The following EYS variants were observed in gnomAD, a reference collection of about 807,000 sequenced individuals.
The protein encoded by EYS is EGF-like photoreceptor maintenance factor.
EYS carries 250 observed loss-of-function variants against 282.1 expected under a neutral mutation model. The observed-to-expected ratio is 0.89, with a 90% CI of 0.80 to 0.98. The LOEUF is 0.98. EYS is among the 50% of genes least tolerant of loss of function. EYS has a pLI of 0.00. For synonymous variants in EYS, 1,355 were observed against 1,282.9 expected (o/e 1.06, Z -1.20); for missense variants, 4,016 against 3,709.0 (o/e 1.08, Z -2.15).
intron 12 of EYS, among the ~76,000 whole-genome samples, chr6:65,230,660 G>A (rs1040439402): frequency 1.3e-5 from 2 of 151,610 alleles, no homozygotes; most frequent in Non-Finnish European, 3.0e-5. Flanking sequence ...CATGTGGAGG[G>A]CCTCCCCTCA....
intron 35 of EYS, among the ~76,000 whole-genome samples, chr6:63,938,281 C>T (rs181419509): frequency 6.6e-6 from 1 of 152,208 alleles, no homozygotes; most frequent in East Asian, 1.9e-4. Context: ...GGCTTGGAGT[C>T]GAGTCTGCTG....
intron 22 of EYS, among the ~76,000 whole-genome samples, chr6:64,801,476 T>C: frequency 6.6e-6 from 1 of 152,244 alleles, no homozygotes; most frequent in East Asian, 1.9e-4. Context: ...TTACATATAA[T>C]TTAACATTTT....
chr6:64,249,750 G>T (rs1760431589), intron 30 of EYS, among the ~76,000 whole-genome samples: 1 of 152,214 alleles, frequency 6.6e-6, no homozygotes, highest in Non-Finnish European at 1.5e-5. Context: ...GTCCTGGAGA[G>T]AGGAATGCAT....
At chr6:64,943,862 C>T (rs531030403) in intron 15 of EYS, among the ~76,000 whole-genome samples, 88 of 151,880 alleles carry the variant, frequency 5.8e-4, no homozygotes, top group Middle Eastern at 6.8e-3. Context: ...CTAAAATGTA[C>T]GTAGAGTGAA....
chr6:64,695,927 TGTC>T, intron 22 of EYS, among the ~76,000 whole-genome samples: 1 of 152,218 alleles, frequency 6.6e-6, no homozygotes, highest in South Asian at 2.1e-4. Flanking sequence ...AATAAATCAA[TGTC>T]ATAATACTGG....
At chr6:64,196,645 CA>C (rs999225884) in intron 31 of EYS, among the ~76,000 whole-genome samples, 1 of 150,242 alleles carries the variant, frequency 6.7e-6, no homozygotes, top group Non-Finnish European at 1.5e-5. Context: ...ATCACAAGAA[CA>C]AAAAACCAAA....
chr6:63,880,487 G>GTATCTATCTATCTATC (rs56891791), intron 35 of EYS, among the ~76,000 whole-genome samples: 7,902 of 142,762 alleles, frequency 0.055, 263 homozygotes, highest in Non-Finnish European at 0.071. Flanking sequence ...CTGTCTGTCT[G>GTATCTATCTATCTATC]TATCTATCTA....
At chr6:64,017,126 A>G (rs969045681) in intron 33 of EYS, among the ~76,000 whole-genome samples, 8 of 151,996 alleles carry the variant, frequency 5.3e-5, no homozygotes, top group Non-Finnish European at 8.8e-5. Flanking sequence ...AAGGAGGGAA[A>G]GCTGAAAGCA....
At chr6:65,380,977 C>A (rs925515080) in intron 8 of EYS, among the ~76,000 whole-genome samples, 16 of 151,862 alleles carry the variant, frequency 1.1e-4, no homozygotes, top group African/African-American at 3.9e-4. Flanking sequence ...TAGATGCTGG[C>A]GAGGATGCGG....
chr6:64,567,662 T>A (rs947918958), intron 26 of EYS, among the ~76,000 whole-genome samples: 1 of 152,172 alleles, frequency 6.6e-6, no homozygotes, highest in Non-Finnish European at 1.5e-5. Flanking sequence ...TCTCAAGTGA[T>A]TTATTTGGAA....
chr6:63,781,611 C>G (rs1562023321), intron 39 of EYS, among the ~76,000 whole-genome samples: 1 of 152,174 alleles, frequency 6.6e-6, no homozygotes, highest in Admixed American at 6.5e-5. Context: ...TATCCTGAGA[C>G]TTTGCTGAAG....
intron 19 of EYS, among the ~76,000 whole-genome samples, chr6:64,882,255 C>T (rs557854138): frequency 2.0e-5 from 3 of 151,870 alleles, no homozygotes; most frequent in African/African-American, 7.2e-5. Context: ...AACTCCAAAA[C>T]TGATATAACT....
Position 64,752,225 on chromosome 6 carries a change from G to T in EYS, c.3443+61153C>A, listed in dbSNP as rs576607585. 2.0e-5 allele frequency among the ~76,000 whole-genome samples: 3 copies of T among 152,022 alleles called. No homozygotes were observed. The South Asian group carries it at 6.2e-4, about 32-fold the overall frequency. The stretch of plus-strand genomic sequence containing the variant: ...AAAAAAAACTCAGTGAGATCCAAGA[G>T]AAAGTTAAAGCTAACACAAATAAAT... On this transcript the variant is annotated intron_variant, in intron 22 of 42. Coordinates refer to ENST00000503581, the MANE Select transcript of EYS (RefSeq NM_001142800.2).
intron 12 of EYS, among the ~76,000 whole-genome samples, chr6:65,253,792 TAA>T (rs905451001): frequency 3.2e-4 from 49 of 151,958 alleles, no homozygotes; most frequent in South Asian, 8.3e-4. Context: ...TACATGGATA[TAA>T]GAGTACACAT....
Position 64,414,677 on chromosome 6 carries a change from A to G in EYS, c.5927+21497T>C, listed in dbSNP as rs545405032. ...GGTGGTGAGGTTATAAGAAAAGGAA[A>G]GCTCACTGTAGTATAATACTTGGCT... On this transcript the variant is annotated intron_variant, in intron 28 of 42. Coordinates refer to ENST00000503581, the MANE Select transcript of EYS (RefSeq NM_001142800.2). Among the ~76,000 whole-genome samples, 21 of 152,304 alleles carry G rather than the reference A, an allele frequency of 1.4e-4. No individual in the cohort carries two copies. In the South Asian group the frequency reaches 1.4e-3, roughly 11 times the overall value.
At chr6:64,673,637 G>A (rs1769545807) in intron 22 of EYS, among the ~76,000 whole-genome samples, 1 of 151,936 alleles carries the variant, frequency 6.6e-6, no homozygotes, top group Non-Finnish European at 1.5e-5. Context: ...TGTCTCTTCA[G>A]GATCTTTATA....
intron 22 of EYS, among the ~76,000 whole-genome samples, chr6:64,785,198 T>C (rs1237198981): frequency 6.6e-6 from 1 of 152,238 alleles, no homozygotes; most frequent in Admixed American, 6.5e-5. Flanking sequence ...AGCTAAAATA[T>C]ACAATCTATC....
At chr6:63,939,666 A>G (rs1365649749) in intron 35 of EYS, among the ~76,000 whole-genome samples, 1 of 152,052 alleles carries the variant, frequency 6.6e-6, no homozygotes, top group East Asian at 1.9e-4. Flanking sequence ...AGTTTGTGAC[A>G]GTTTGAAAAA....
chr6:64,745,842 T>C (rs565279531), intron 22 of EYS, among the ~76,000 whole-genome samples: 4 of 152,208 alleles, frequency 2.6e-5, no homozygotes, highest in African/African-American at 9.6e-5. Context: ...TAGAGAAGAA[T>C]CAAATCTGAT....
Sources: gnomAD v4.1 joint callset for allele counts (sites outside exome capture counted in the v4.1 genomes callset) on GRCh38, gnomAD v4.1.1 for gene constraint, MANE v1.5 for transcripts, NCBI Gene and HGNC (gene_info 2026-07-23, HGNC 2026-07-21) for gene names.